TTC8: variants seen among roughly 807,000 people sequenced by gnomAD.
The protein encoded by TTC8 is tetratricopeptide repeat protein 8.
TTC8 carries 47 observed loss-of-function variants against 72.5 expected under a neutral mutation model. The ratio of observed to expected loss-of-function variants is 0.65; its 90% CI spans 0.51 to 0.83. The LOEUF is 0.83. Among genes scored for constraint, TTC8 ranks in the 40% least tolerant of loss-of-function variants. The pLI is 0.00. For synonymous variants in TTC8, 199 were observed against 221.4 expected, an observed-to-expected ratio of 0.90 and a Z score of 0.90; for missense variants, 611 against 623.2, an observed-to-expected ratio of 0.98 and a Z score of 0.21.
At chr14:88,863,415 C>T (rs556344500) in intron 10 of TTC8, among the ~76,000 whole-genome samples, 3 of 152,304 alleles carry the variant, frequency 2.0e-5, no homozygotes, top group Middle Eastern at 3.4e-3. Context: ...TTAATTCTTC[C>T]AGCAGCAAGT....
chr14:88,856,013 G>T (rs1434616082), intron 8 of TTC8, among the ~76,000 whole-genome samples: 1 of 152,228 alleles, frequency 6.6e-6, no homozygotes, highest in Non-Finnish European at 1.5e-5. Flanking sequence ...GAGCCCCAGA[G>T]GGCAAGGCTG....
intron 2 of TTC8, among the ~76,000 whole-genome samples, chr14:88,837,823 T>C (rs1321606277): frequency 6.6e-6 from 1 of 152,136 alleles, no homozygotes; most frequent in Non-Finnish European, 1.5e-5. Flanking sequence ...AAACCTGAGA[T>C]TTTTTTTCTA....
At chr14:88,824,907 G>C (rs907101956) in intron 1 of TTC8, 86 bp downstream of exon 1, 36 of 1,296,846 alleles carry the variant, frequency 2.8e-5, no homozygotes, top group Admixed American at 3.9e-5. Context: ...TTGGGAGGCC[G>C]GGGAGGAAGG....
At chr14:88,855,126 T>G (rs148210772) in intron 8 of TTC8, among the ~76,000 whole-genome samples, 48 of 152,370 alleles carry the variant, frequency 3.2e-4, no homozygotes, top group African/African-American at 1.1e-3. Context: ...ATCTGGCTGT[T>G]GAAATCTTGC....
At chr14:88,874,469 A>G (rs2094948571) in intron 13 of TTC8, among the ~76,000 whole-genome samples, 1 of 152,172 alleles carries the variant, frequency 6.6e-6, no homozygotes, top group African/African-American at 2.4e-5. Context: ...AGTATCTTAG[A>G]TAACAGAAAG....
intron 11 of TTC8, among the ~76,000 whole-genome samples, 156 bp downstream of exon 11, chr14:88,870,354 C>T (rs1184094624): frequency 6.6e-6 from 1 of 152,222 alleles, no homozygotes; most frequent in Non-Finnish European, 1.5e-5. Flanking sequence ...ATTGAAGTGA[C>T]ATCCAATAAT....
Position 88,871,403 on chromosome 14 carries a change from T to C in TTC8, c.1050-146T>C. The C allele has an allele frequency of 1.4e-6, 1 of 737,736 alleles. No homozygotes were observed. The highest frequency in any genetic ancestry group is 1.7e-5 in the South Asian group (1 of 57,394). 45.7% of individuals were successfully genotyped at this position (737,736 alleles called of 1,614,324 possible). A position where few individuals can be genotyped will look rare whatever the true frequency, so the allele number is the denominator to read the frequency against. On this transcript the variant is annotated intron_variant, in intron 11 of 14. Transcript: ENST00000380656. The surrounding 1 kb of genome is among the most constrained non-coding windows in gnomAD (Gnocchi z 4.1). ...TGTATTTGCTTTAAACATTTTTTCATTTACTATAACACGTATTTATATTCT... is the reference window on the plus strand; with the variant it reads ...TGTATTTGCTTTAAACATTTTTTCACTTACTATAACACGTATTTATATTCT...
downstream of TTC8, chr14:88,879,137 C>T (rs775837444): frequency 6.6e-6 from 1 of 152,108 alleles, no homozygotes; most frequent in Non-Finnish European, 1.5e-5. Flanking sequence ...GGGATTTTGT[C>T]TTGAATTTAT....
At chr14:88,880,756 T>C (rs908764175), downstream of TTC8, 2 of 152,014 alleles carry the variant, frequency 1.3e-5, no homozygotes, top group Non-Finnish European at 2.9e-5. Flanking sequence ...TTTTTAAAAA[T>C]CACATTTCCT....
intron 8 of TTC8, among the ~76,000 whole-genome samples, chr14:88,853,954 G>T (rs2094845097): frequency 6.6e-6 from 1 of 152,100 alleles, no homozygotes; most frequent in Non-Finnish European, 1.5e-5. Flanking sequence ...ATATTTATAA[G>T]CTTCAGTTGT....
At position 88,871,381 on chromosome 14, in the gene TTC8, A is replaced by G. The variant is rs908938885; in HGVS notation, c.1050-168A>G. ...ACCATTATGAAAGAGAGGTGTTTGT[A>G]TTTGCTTTAAACATTTTTTCATTTA... On this transcript the variant is annotated intron_variant, in intron 11 of 14. Transcript: ENST00000380656. This position sits in a 1 kb window ranked among gnomAD's most constrained non-coding sequence, Gnocchi z 4.1. Among the ~76,000 whole-genome samples, 4 of 152,112 alleles carry G rather than the reference A, an allele frequency of 2.6e-5. No homozygotes were observed. Among genetic ancestry groups the G allele is most frequent in the African/African-American group, 7.2e-5 (3 of 41,420 alleles).
At chr14:88,848,546 A>G (rs1261653531) in intron 7 of TTC8, among the ~76,000 whole-genome samples, 5 of 152,230 alleles carry the variant, frequency 3.3e-5, no homozygotes, top group Admixed American at 6.5e-5. Context: ...TGGCAAAACT[A>G]TATCTAACCT....
Position 88,861,311 on chromosome 14 carries a change from T to C in TTC8, c.888T>C (p.Cys296=). The change falls in exon 10 of 15, where the codon TGT becomes TGC. Residue 296 remains cysteine, a synonymous_variant. Transcript: ENST00000380656. ...TTCCAGGAGAAGTAACCCTGCTCTG[T>C]GGAATTGCAAGAATCTATGAGGTAA... ...DKFPGEVTLL[C]GIARIYEEMN... The C allele has an allele frequency of 1.2e-6, 2 of 1,610,864 alleles. No individual in the cohort carries two copies. The highest frequency in any genetic ancestry group is 1.7e-6 in the Non-Finnish European group (2 of 1,177,752).
chr14:88,867,432 A>G (rs2094915328), intron 10 of TTC8, among the ~76,000 whole-genome samples: 1 of 152,166 alleles, frequency 6.6e-6, no homozygotes, highest in East Asian at 1.9e-4. Context: ...TGTATATTAG[A>G]ATGTATAGAA....
chr14:88,848,909 T>A (rs2094820834), intron 7 of TTC8, among the ~76,000 whole-genome samples: 1 of 152,170 alleles, frequency 6.6e-6, no homozygotes, highest in Admixed American at 6.5e-5. Context: ...TCAACAATAA[T>A]GTTATAGTAA....
chr14:88,844,793 C>G (rs1269519889), intron 7 of TTC8, among the ~76,000 whole-genome samples: 1 of 151,950 alleles, frequency 6.6e-6, no homozygotes, highest in East Asian at 1.9e-4. Flanking sequence ...CTTAAGTGAT[C>G]CTCCTGCCTC....
intron 10 of TTC8, among the ~76,000 whole-genome samples, chr14:88,866,382 A>AAC (rs10553603): frequency 0.48 from 70,365 of 146,464 alleles, 19,205 homozygotes; most frequent in Non-Finnish European, 0.65. Flanking sequence ...GGGAGATTTA[A>AAC]ACACACACAC....
intron 13 of TTC8, among the ~76,000 whole-genome samples, chr14:88,873,132 A>G (rs924582796): frequency 6.6e-6 from 1 of 152,168 alleles, no homozygotes; most frequent in Non-Finnish European, 1.5e-5. Context: ...AACCGTGACT[A>G]TGGCCTTTGA....
chr14:88,846,775 A>G (rs1018038548), intron 7 of TTC8: 3 of 619,526 alleles, frequency 4.8e-6, no homozygotes, highest in Non-Finnish European at 7.6e-6. Flanking sequence ...ATAGTTCTTC[A>G]TGCATATGAA....
Sources: allele counts gnomAD v4.1 joint callset (sites outside exome capture counted in the v4.1 genomes callset), GRCh38; gene constraint gnomAD v4.1.1; non-coding constraint Gnocchi (gnomAD v3.1); transcripts MANE v1.5; gene names NCBI Gene and HGNC (gene_info 2026-07-23, HGNC 2026-07-21).